The following HS2ST1 variants were observed in gnomAD, a reference collection of about 807,000 sequenced individuals.
HS2ST1 encodes heparan sulfate 2-O-sulfotransferase 1.
Under a neutral mutation model 42.9 loss-of-function variants are expected in HS2ST1, and 18 were observed. The ratio of observed to expected loss-of-function variants is 0.42; its 90% CI spans 0.29 to 0.62. The LOEUF (loss-of-function observed/expected upper bound fraction) is 0.62. HS2ST1 is among the 20% of genes least tolerant of loss of function. The probability of loss-of-function intolerance (pLI) is 0.21; values close to 1 mark genes in which losing one functional copy is unlikely to be tolerated. For synonymous variants in HS2ST1, 146 were observed against 152.9 expected (o/e 0.95, Z 0.33); for missense variants, 334 against 433.8 (o/e 0.77, Z 2.04).
At chr1:86,925,809 T>A (rs867483364) in intron 1 of HS2ST1, among the ~76,000 whole-genome samples, 3 of 152,228 alleles carry the variant, frequency 2.0e-5, no homozygotes, top group Non-Finnish European at 2.9e-5. Flanking sequence ...ATAATAACTC[T>A]TTCTGGTGCT....
At chr1:87,100,456 C>G (rs956956371) in intron 5 of HS2ST1, among the ~76,000 whole-genome samples, 1 of 152,188 alleles carries the variant, frequency 6.6e-6, no homozygotes, top group African/African-American at 2.4e-5. Flanking sequence ...TTCTTCCCCC[C>G]AAGGCTTCTG....
intron 1 of HS2ST1, among the ~76,000 whole-genome samples, chr1:87,029,022 T>C (rs1355394629): frequency 6.6e-6 from 1 of 152,150 alleles, no homozygotes; most frequent in Non-Finnish European, 1.5e-5. Context: ...CCAAGTGTTA[T>C]CTTTTTATCT....
chr1:87,064,547 A>G (rs757058875), intron 1 of HS2ST1: 4 of 517,380 alleles, frequency 7.7e-6, no homozygotes, highest in Non-Finnish European at 1.5e-5. Flanking sequence ...CCTGTTGACT[A>G]TCTGGAAACC....
At chr1:86,915,199 G>T (rs1280965670) in intron 1 of HS2ST1, 39 bp downstream of exon 1, 3 of 1,577,414 alleles carry the variant, frequency 1.9e-6, no homozygotes, top group Non-Finnish European at 2.6e-6. Flanking sequence ...TGCTGTGGAA[G>T]GGGCCGAGGA....
chr1:87,058,452 G>T (rs1198345281), intron 1 of HS2ST1, among the ~76,000 whole-genome samples: 6 of 149,462 alleles, frequency 4.0e-5, no homozygotes, highest in Non-Finnish European at 7.4e-5. Context: ...GTTTTGTTTT[G>T]TTTTTTTTTA....
intron 1 of HS2ST1, among the ~76,000 whole-genome samples, chr1:87,029,865 G>A (rs1431498979): frequency 6.6e-6 from 1 of 152,190 alleles, no homozygotes; most frequent in East Asian, 1.9e-4. Flanking sequence ...GGATAAAGTC[G>A]AAGTTTAAGT....
intron 1 of HS2ST1, among the ~76,000 whole-genome samples, chr1:86,995,083 T>C (rs1209645448): frequency 6.6e-6 from 1 of 152,188 alleles, no homozygotes; most frequent in Non-Finnish European, 1.5e-5. Context: ...TTCCCACCTC[T>C]ACTGTTTTGT....
rs552713297 is a variant in HS2ST1 at position 86,935,455 on chromosome 1, CTTTTTTTTTTT to C, written c.124+20310_124+20320del. On this transcript the variant is annotated intron_variant, in intron 1 of 6. Transcript: ENST00000370550. The stretch of plus-strand genomic sequence containing the variant: ...GAGGTTTTGTAATTTTCTTTTTCTC[CTTTTTTTTTTT>C]TTTTTTTTTTTTTTGAGATAGAGGC... Among the ~76,000 whole-genome samples, 26 of 62,064 alleles carry C rather than the reference CTTTTTTTTTTT, an allele frequency of 4.2e-4. 1 individual carries two copies. The highest frequency in any genetic ancestry group is 1.0e-3 in the African/African-American group (14 of 13,362). The allele number at this position is 62,064 out of a possible 152,430, so 40.7% of individuals were successfully genotyped here. A position where few individuals can be genotyped will look rare whatever the true frequency, so the allele number is the denominator to read the frequency against.
In HS2ST1 at chr1:87,072,914, G is replaced by T. The variant is rs376848829; in HGVS notation, c.125-20G>T. 2.8e-5 allele frequency: 44 copies of T among 1,562,272 alleles called. No individual in the cohort carries two copies. In the East Asian group the frequency reaches 9.4e-4, roughly 33 times the overall value. ...TATAGTGTCCTTAAAAACTTAGTTC[G>T]TATCTGTTTTTCTTTCCAGAAAGGG... On this transcript the variant is annotated intron_variant, in intron 1 of 6. Coordinates refer to ENST00000370550, the MANE Select transcript of HS2ST1 (RefSeq NM_012262.4).
rs1198863294 is a variant in HS2ST1, at chr1:87,106,230, CAG to C, written c.*1535_*1536del. The stretch of plus-strand genomic sequence containing the variant: ...AATTTGTGTTTGATAAATATCCTCT[CAG>C]TGTTTTATCTTCCATGTTTCAACAA... On this transcript the variant is annotated 3_prime_UTR_variant, in exon 7 of 7. Transcript: ENST00000370550. The C allele has an allele frequency of 6.6e-6, 1 of 152,442 alleles. No homozygotes were observed. The highest frequency in any genetic ancestry group is 1.9e-4 in the East Asian group (1 of 5,204). The allele number at this position is 152,442 out of a possible 1,614,324, so 9.4% of individuals were successfully genotyped here.
Position 87,077,167 on chromosome 1 carries a change from A to T in HS2ST1, c.363+3995A>T, listed in dbSNP as rs554881482. 2.0e-5 allele frequency among the ~76,000 whole-genome samples: 3 copies of T among 152,334 alleles called. No homozygotes were observed. The South Asian group carries it at 6.2e-4, about 32-fold the overall frequency. ...AGTTTGAGTAACAAAGATACAGATG[A>T]TGATTCTCAGTAGGGATATGGGAAG... On this transcript the variant is annotated intron_variant, in intron 2 of 6. Transcript: ENST00000370550.
chr1:87,053,617 G>A (rs930030463), intron 1 of HS2ST1, among the ~76,000 whole-genome samples: 3 of 152,124 alleles, frequency 2.0e-5, no homozygotes, highest in African/African-American at 4.8e-5. Flanking sequence ...GTCCAGCTGC[G>A]TGCTTTGTGA....
chr1:86,926,209 G>C (rs997823724), intron 1 of HS2ST1, among the ~76,000 whole-genome samples: 2 of 152,166 alleles, frequency 1.3e-5, no homozygotes, highest in Non-Finnish European at 2.9e-5. Context: ...AACACTGGTT[G>C]AGTGAATTCC....
intron 1 of HS2ST1, among the ~76,000 whole-genome samples, chr1:87,058,202 C>G (rs1235731672): frequency 6.6e-6 from 1 of 151,624 alleles, no homozygotes; most frequent in African/African-American, 2.4e-5. Flanking sequence ...TTGACAGGTC[C>G]TCATGCAACC....
chr1:86,971,623 T>C (rs1325991266), intron 1 of HS2ST1, among the ~76,000 whole-genome samples: 1 of 152,182 alleles, frequency 6.6e-6, no homozygotes, highest in Non-Finnish European at 1.5e-5. Context: ...AAATGAGCAT[T>C]TCACAGCAGA....
At chr1:86,993,196 C>A in intron 1 of HS2ST1, 7 of 1,528,450 alleles carry the variant, frequency 4.6e-6, no homozygotes, top group East Asian at 2.4e-5. Context: ...GCTTTTAAAT[C>A]CCCTGTGATA....
chr1:87,097,305 T>C (rs893392070), intron 4 of HS2ST1, among the ~76,000 whole-genome samples: 3 of 152,232 alleles, frequency 2.0e-5, no homozygotes, highest in South Asian at 2.1e-4. Context: ...GATAAAGATA[T>C]AGACAGACAG....
chr1:87,091,330 A>C (rs923365890), intron 3 of HS2ST1, among the ~76,000 whole-genome samples: 8 of 152,062 alleles, frequency 5.3e-5, no homozygotes, highest in Non-Finnish European at 7.4e-5. Context: ...AGGCCAACCT[A>C]ACTATAACAG....
intron 1 of HS2ST1, 141 bp downstream of exon 1, chr1:86,915,301 C>A: frequency 3.2e-6 from 3 of 923,118 alleles, no homozygotes; most frequent in Non-Finnish European, 4.7e-6. Context: ...GAACAAGGGG[C>A]AGCGAGAGCA....
Sources: allele counts gnomAD v4.1 joint callset (sites outside exome capture counted in the v4.1 genomes callset), GRCh38; gene constraint gnomAD v4.1.1; transcripts MANE v1.5; gene names NCBI Gene and HGNC (gene_info 2026-07-23, HGNC 2026-07-21).